The following WWOX variants were observed in gnomAD, a reference collection of about 807,000 sequenced individuals.
The protein encoded by WWOX is WW domain-containing oxidoreductase.
Under a neutral mutation model 46.2 loss-of-function variants are expected in WWOX, and 69 were observed. The ratio of observed to expected loss-of-function variants is 1.49; its 90% CI spans 1.23 to 1.82. WWOX has a LOEUF of 1.82. Ranked by LOEUF, WWOX falls within the 40% of genes most tolerant of loss-of-function variation. WWOX has a pLI of 0.00. For missense variants in WWOX, 919 were observed against 542.6 expected (o/e 1.69, Z -6.89); for synonymous variants, 359 against 202.6 (o/e 1.77, Z -6.56).
chr16:78,562,123 A>G lies in WWOX; in HGVS notation c.1056+129371A>G, dbSNP rs1340199809. Among the ~76,000 whole-genome samples the G allele has an allele frequency of 2.0e-5, 3 of 152,146 alleles. No individual in the cohort carries two copies. In the East Asian group the frequency reaches 5.8e-4, roughly 29 times the overall value. On this transcript the variant is annotated intron_variant, in intron 8 of 8. Coordinates refer to ENST00000566780, the MANE Select transcript of WWOX (RefSeq NM_016373.4). ...TTCTCAGATAGAGTTATCCAAACAA[A>G]TTGGATGCTCAACTCTGGATTTGAT...
intron 5 of WWOX, among the ~76,000 whole-genome samples, chr16:78,182,709 T>G (rs904442169): frequency 1.3e-5 from 2 of 151,928 alleles, no homozygotes; most frequent in Non-Finnish European, 2.9e-5. Context: ...TCCCAGCACT[T>G]TGGGAGGCCG....
At chr16:79,042,324 C>T (rs570527302) in intron 8 of WWOX, among the ~76,000 whole-genome samples, 2 of 152,290 alleles carry the variant, frequency 1.3e-5, no homozygotes, top group South Asian at 2.1e-4. Flanking sequence ...GACCTTTTGG[C>T]TTGGAACATG....
intron 8 of WWOX, among the ~76,000 whole-genome samples, chr16:78,684,349 C>T (rs1053702379): frequency 9.2e-5 from 14 of 152,104 alleles, no homozygotes; most frequent in Admixed American, 5.9e-4. Context: ...AGTAGAAGGA[C>T]CTATGAACCA....
At chr16:78,629,271 A>G (rs1312718546) in intron 8 of WWOX, among the ~76,000 whole-genome samples, 1 of 150,184 alleles carries the variant, frequency 6.7e-6, no homozygotes, top group African/African-American at 2.5e-5. Context: ...ATGGGGTCAT[A>G]AGACATTGGT....
intron 4 of WWOX, among the ~76,000 whole-genome samples, chr16:78,115,715 G>A (rs1182909557): frequency 1.3e-5 from 2 of 152,102 alleles, no homozygotes; most frequent in Non-Finnish European, 2.9e-5. Context: ...GGGTATCCTT[G>A]CTTCAATATG....
chr16:79,173,292 C>CCATGTGT (rs1281252435), intron 8 of WWOX, among the ~76,000 whole-genome samples: 1 of 151,834 alleles, frequency 6.6e-6, no homozygotes, highest in Admixed American at 6.6e-5. Context: ...TGTCCATGTG[C>CCATGTGT]CATGTGCCAT....
At chr16:79,198,656 C>T (rs1341156451) in intron 8 of WWOX, among the ~76,000 whole-genome samples, 1 of 152,198 alleles carries the variant, frequency 6.6e-6, no homozygotes, top group Non-Finnish European at 1.5e-5. Context: ...GCACAGATGA[C>T]ACAGGTCCAA....
Position 78,881,089 on chromosome 16 carries a change from G to T in WWOX, c.1057-330519G>T, listed in dbSNP as rs182274681. 8.6e-5 allele frequency among the ~76,000 whole-genome samples: 13 copies of T among 150,314 alleles called. No homozygotes were observed. The East Asian group carries it at 2.2e-3, about 25-fold the overall frequency. On this transcript the variant is annotated intron_variant, in intron 8 of 8. Coordinates refer to ENST00000566780, the MANE Select transcript of WWOX (RefSeq NM_016373.4). ...TCACTGCAACCTTTGCCTCCTGGGCGCAAGTGATCCTCCTACCTCAGCCTC... is the reference window on the plus strand; with the variant it reads ...TCACTGCAACCTTTGCCTCCTGGGCTCAAGTGATCCTCCTACCTCAGCCTC...
intron 6 of WWOX, among the ~76,000 whole-genome samples, chr16:78,423,843 C>CCA (rs1244620745): frequency 3.8e-5 from 3 of 79,986 alleles, no homozygotes; most frequent in African/African-American, 1.3e-4. Context: ...AAGATCTTGT[C>CCA]AAAAAAAAAA....
intron 8 of WWOX, among the ~76,000 whole-genome samples, chr16:78,457,368 T>G (rs1237064161): frequency 6.6e-6 from 1 of 152,214 alleles, no homozygotes; most frequent in Non-Finnish European, 1.5e-5. Flanking sequence ...AAGTAATGAC[T>G]AAGTACAGGT....
intron 8 of WWOX, among the ~76,000 whole-genome samples, chr16:78,817,453 C>G (rs1334338588): frequency 1.3e-5 from 2 of 152,158 alleles, no homozygotes; most frequent in Non-Finnish European, 1.5e-5. Context: ...ACTGAAAGAT[C>G]TATCGGAAGA....
At chr16:78,164,409 A>G (rs753014349) in intron 5 of WWOX, 120 bp downstream of exon 5, 1 of 889,138 alleles carries the variant, frequency 1.1e-6, no homozygotes, top group Non-Finnish European at 1.8e-6. Flanking sequence ...CTTTATTTTT[A>G]AAGTCATCTT....
Position 78,340,026 on chromosome 16 carries a change from G to GT in WWOX, c.517-46834_517-46833insT, listed in dbSNP as rs1567511750. Among the ~76,000 whole-genome samples the GT allele has an allele frequency of 9.0e-5, 4 of 44,330 alleles. 1 individual carries two copies. The highest frequency in any genetic ancestry group is 2.3e-4 in the Admixed American group (1 of 4,390). The allele number at this position is 44,330 out of a possible 152,430, so 29.1% of individuals were successfully genotyped here. ...CTTTCCATGGATTTGGTGGGGGGGG[G>GT]GGGGACGTTTCTATTTCCTTTATGT... On this transcript the variant is annotated intron_variant, in intron 5 of 8. Transcript: ENST00000566780.
At chr16:79,106,602 T>C (rs2049312892) in intron 8 of WWOX, 1 of 126,636 alleles carries the variant, frequency 7.9e-6, no homozygotes, top group South Asian at 2.7e-4. Flanking sequence ...TTTTTTTTTT[T>C]TTTTTTTTTT....
At chr16:78,237,538 G>A (rs567721805) in intron 5 of WWOX, 2 of 152,294 alleles carry the variant, frequency 1.3e-5, no homozygotes, top group East Asian at 1.9e-4. Context: ...GGAATCACCA[G>A]TGGTTCTCAC....
intron 8 of WWOX, among the ~76,000 whole-genome samples, chr16:78,741,223 A>T (rs1057088178): frequency 6.6e-6 from 1 of 152,202 alleles, no homozygotes; most frequent in Non-Finnish European, 1.5e-5. Flanking sequence ...TGTAACAGAA[A>T]GCATTTACTG....
chr16:79,015,212 A>G (rs1270426515), intron 8 of WWOX, among the ~76,000 whole-genome samples: 1 of 152,132 alleles, frequency 6.6e-6, no homozygotes. Context: ...AAGACAGTGT[A>G]GGAAACACAG....
intron 8 of WWOX, among the ~76,000 whole-genome samples, chr16:78,433,826 G>A (rs1447335499): frequency 8.7e-6 from 1 of 114,332 alleles, no homozygotes; most frequent in Non-Finnish European, 1.6e-5. Context: ...GTCTCGCTCT[G>A]TCGCCCAGGC....
chr16:79,079,401 C>G (rs2048719581), intron 8 of WWOX, among the ~76,000 whole-genome samples: 1 of 152,212 alleles, frequency 6.6e-6, no homozygotes, highest in South Asian at 2.1e-4. Flanking sequence ...AGCCATCAAT[C>G]CGGTATCCAT....
Sources: allele counts gnomAD v4.1 joint callset (sites outside exome capture counted in the v4.1 genomes callset), GRCh38; gene constraint gnomAD v4.1.1; transcripts MANE v1.5; gene names NCBI Gene and HGNC (gene_info 2026-07-23, HGNC 2026-07-21).